Variants in TRAPPC6B observed in about 807,000 individuals in gnomAD.
TRAPPC6B encodes TRAPP complex subunit 6B.
Under a neutral mutation model 24.7 loss-of-function variants are expected in TRAPPC6B, and 27 were observed. That is an observed-to-expected ratio of 1.09 (90% confidence interval 0.81 to 1.51). The LOEUF is 1.51. Among genes scored for constraint, TRAPPC6B ranks in the 40% most tolerant of loss-of-function variants. TRAPPC6B has a pLI of 0.00. For missense variants in TRAPPC6B, 212 were observed against 190.8 expected (o/e 1.11, Z -0.66); for synonymous variants, 80 against 66.6 (o/e 1.20, Z -0.98).
chr14:39,167,804 C>G (rs1301125203), intron 1 of TRAPPC6B, among the ~76,000 whole-genome samples: 3 of 151,906 alleles, frequency 2.0e-5, no homozygotes, highest in Admixed American at 6.6e-5. Context: ...GTATGTTAGT[C>G]CATCTCTTAA....
intron 4 of TRAPPC6B, 27 bp from the exon 5 acceptor site, chr14:39,151,866 T>C (rs762743651): frequency 6.8e-7 from 1 of 1,468,120 alleles, no homozygotes. Flanking sequence ...TCATTAAAAA[T>C]AGTAAGGATT....
At chr14:39,156,980 C>T (rs1247517166) in intron 3 of TRAPPC6B, among the ~76,000 whole-genome samples, 3 of 152,012 alleles carry the variant, frequency 2.0e-5, no homozygotes, top group Non-Finnish European at 4.4e-5. Context: ...AGTGGTGGCA[C>T]ATGCCTGTAG....
chr14:39,159,645 A>T, intron 1 of TRAPPC6B, 95 bp from the exon 2 acceptor site: 2 of 804,362 alleles, frequency 2.5e-6, no homozygotes, highest in Non-Finnish European at 3.8e-6. Context: ...ATATTAATGT[A>T]AACATTTATA....
rs1475131677 is a variant in TRAPPC6B, at chr14:39,148,762, T to A, written c.*1588A>T. 3 of 398,356 alleles carry A rather than the reference T, an allele frequency of 7.5e-6. No individual in the cohort carries two copies. The highest frequency in any genetic ancestry group is 4.4e-6 in the Non-Finnish European group (1 of 225,998). 24.7% of individuals were successfully genotyped at this position (398,356 alleles called of 1,614,324 possible). On this transcript the variant is annotated 3_prime_UTR_variant, in exon 6 of 6. Transcript: ENST00000330149. ...TGAGAATTAGGATTGCAGTCATGCA[T>A]TGCTTAGCAAAGGGGATACATTCTG... is the stretch of plus-strand genomic sequence containing the variant.
At chr14:39,169,928 C>T in intron 1 of TRAPPC6B, 87 bp downstream of exon 1, 1 of 1,366,490 alleles carries the variant, frequency 7.3e-7, no homozygotes, top group Non-Finnish European at 1.0e-6. Flanking sequence ...CGTCGGGTGG[C>T]GATGGGACAG....
rs2139374400 is a variant in TRAPPC6B, at chr14:39,149,782, G to T, written c.*568C>A. ...TACATTAATGGAGCTCTGAAGGAAT[G>T]AAACCTATTAAAGAAAAATTAAATT... On this transcript the variant is annotated 3_prime_UTR_variant, in exon 6 of 6. Transcript: ENST00000330149. 1 of 152,152 alleles carries T rather than the reference G, an allele frequency of 6.6e-6. No individual in the cohort carries two copies. Among genetic ancestry groups the T allele is most frequent in the East Asian group, 1.9e-4 (1 of 5,190 alleles). The allele number at this position is 152,152 out of a possible 1,614,324, so 9.4% of individuals were successfully genotyped here. A position where few individuals can be genotyped will look rare whatever the true frequency, so the allele number is the denominator to read the frequency against.
chr14:39,157,787 T>C, intron 3 of TRAPPC6B: 1 of 232,100 alleles, frequency 4.3e-6, no homozygotes, highest in Non-Finnish European at 8.7e-6. Context: ...GTCCTGGGTC[T>C]CAAGTCTGTG....
intron 5 of TRAPPC6B, among the ~76,000 whole-genome samples, chr14:39,150,913 T>C (rs541062462): frequency 7.2e-5 from 11 of 152,246 alleles, no homozygotes; most frequent in African/African-American, 2.6e-4. Flanking sequence ...AATCCTACAT[T>C]TGGGTACAGT....
intron 3 of TRAPPC6B, chr14:39,157,262 C>T: frequency 2.7e-6 from 1 of 375,300 alleles, no homozygotes; most frequent in Non-Finnish European, 5.1e-6. Flanking sequence ...TGGCACAAAG[C>T]CATCCTCTGT....
chr14:39,165,774 A>G (rs896104600), intron 1 of TRAPPC6B, among the ~76,000 whole-genome samples: 1 of 151,854 alleles, frequency 6.6e-6, no homozygotes, highest in Admixed American at 6.6e-5. Flanking sequence ...TTCAGCCTGC[A>G]TGACAGAGCA....
At chr14:39,160,380 C>T (rs974152243) in intron 1 of TRAPPC6B, among the ~76,000 whole-genome samples, 1 of 152,026 alleles carries the variant, frequency 6.6e-6, no homozygotes, top group African/African-American at 2.4e-5. Flanking sequence ...TGGCTCAAGA[C>T]CAGCCTGGGC....
At chr14:39,151,963 G>T in intron 4 of TRAPPC6B, 124 bp from the exon 5 acceptor site, 1 of 665,528 alleles carries the variant, frequency 1.5e-6, no homozygotes. Context: ...GGATTTTGAA[G>T]AACTGTTCAA....
intron 1 of TRAPPC6B, among the ~76,000 whole-genome samples, chr14:39,165,812 G>C (rs1028260522): frequency 6.8e-6 from 1 of 147,576 alleles, no homozygotes. Context: ...CTCTCTCTCT[G>C]TTTTTTTTTG....
intron 3 of TRAPPC6B, 73 bp downstream of exon 3, chr14:39,158,212 A>T: frequency 1.2e-6 from 1 of 811,050 alleles, no homozygotes; most frequent in Non-Finnish European, 1.9e-6. Context: ...TAGGTTTTAA[A>T]TAAGTCACTA....
At chr14:39,163,014 T>C (rs1045906615) in intron 1 of TRAPPC6B, among the ~76,000 whole-genome samples, 2 of 150,768 alleles carry the variant, frequency 1.3e-5, no homozygotes, top group Non-Finnish European at 2.9e-5. Flanking sequence ...CTTAGGCCCA[T>C]TTTAACCATC....
chr14:39,161,342 C>T (rs1466304211), intron 1 of TRAPPC6B, among the ~76,000 whole-genome samples: 4 of 152,156 alleles, frequency 2.6e-5, no homozygotes, highest in Non-Finnish European at 5.9e-5. Flanking sequence ...AGCTACCTAA[C>T]AAGTCATTAA....
At chr14:39,156,300 C>G (rs953866259) in intron 3 of TRAPPC6B, among the ~76,000 whole-genome samples, 4 of 152,174 alleles carry the variant, frequency 2.6e-5, no homozygotes, top group African/African-American at 9.7e-5. Flanking sequence ...GTCTGGAAAA[C>G]ATAGTGAGAC....
At chr14:39,165,452 T>A (rs537714182) in intron 1 of TRAPPC6B, among the ~76,000 whole-genome samples, 1 of 152,294 alleles carries the variant, frequency 6.6e-6, no homozygotes, top group East Asian at 1.9e-4. Context: ...TCTATTACTG[T>A]ACGTATCACT....
intron 4 of TRAPPC6B, among the ~76,000 whole-genome samples, chr14:39,153,474 T>C (rs1477035665): frequency 7.3e-6 from 1 of 137,008 alleles, no homozygotes; most frequent in African/African-American, 2.7e-5. Context: ...AAAAATTTTT[T>C]TAAAAATTAG....
Sources: gnomAD v4.1 joint callset for allele counts (sites outside exome capture counted in the v4.1 genomes callset) on GRCh38, gnomAD v4.1.1 for gene constraint, MANE v1.5 for transcripts, NCBI Gene and HGNC (gene_info 2026-07-23, HGNC 2026-07-21) for gene names.